The following PCDHGA7 variants were observed in gnomAD, a reference collection of about 807,000 sequenced individuals.
PCDHGA7 encodes the protein protocadherin gamma subfamily A, 7.
A neutral mutation model predicts 58.3 loss-of-function variants in PCDHGA7; 44 were observed. The observed-to-expected ratio is 0.75, with a 90% CI of 0.59 to 0.97. PCDHGA7 has a LOEUF of 0.97. PCDHGA7 is among the 50% of genes least tolerant of loss of function. The pLI is 0.00. For synonymous variants in PCDHGA7, 516 were observed against 504.2 expected, an observed-to-expected ratio of 1.02 and a Z score of -0.31; for missense variants, 1,266 against 1,188.7, an observed-to-expected ratio of 1.06 and a Z score of -0.96.
intron 1 of PCDHGA7, among the ~76,000 whole-genome samples, chr5:141,445,531 C>A (rs1476079791): frequency 6.6e-6 from 1 of 152,136 alleles, no homozygotes; most frequent in Non-Finnish European, 1.5e-5. Flanking sequence ...TGATAAAAGC[C>A]AACAAGGAGA....
intron 1 of PCDHGA7, among the ~76,000 whole-genome samples, chr5:141,446,149 G>T (rs2098490670): frequency 6.6e-6 from 1 of 152,178 alleles, no homozygotes; most frequent in Non-Finnish European, 1.5e-5. Context: ...GGAATAGGTG[G>T]AATATAAATT....
chr5:141,398,505 T>A (rs1561664724), intron 1 of PCDHGA7: 7 of 1,598,768 alleles, frequency 4.4e-6, no homozygotes, highest in Non-Finnish European at 6.0e-6. Context: ...TCGAGGACAT[T>A]AATGACCACA....
chr5:141,456,093 T>G (rs1362649283), intron 1 of PCDHGA7, among the ~76,000 whole-genome samples: 1 of 151,986 alleles, frequency 6.6e-6, no homozygotes, highest in Non-Finnish European at 1.5e-5. Context: ...GAGACGGGAT[T>G]TCACCGTGTT....
Position 141,382,924 on chromosome 5 carries a change from G to A in PCDHGA7, c.25G>A (p.Asp9Asn). 6.4e-7 allele frequency: 1 copy of A among 1,568,666 alleles called. No homozygotes were observed. Among genetic ancestry groups the A allele is most frequent in the Non-Finnish European group, 8.7e-7 (1 of 1,155,832 alleles). The change falls in exon 1 of 4, where the codon GAC becomes AAC. Residue 9 changes from aspartate to asparagine, a missense_variant. Asp to Asn is a conservative substitution (Grantham distance 23, BLOSUM62 1). Coordinates refer to ENST00000518325, the MANE Select transcript of PCDHGA7 (RefSeq NM_018920.4). ...TATGGCGGCTCAGCCGAGGGGCGGG[G>A]ACTACAGAGGATTCTTCCTGCTCTC... MAAQPRGG[D>N]YRGFFLLSIL...
intron 1 of PCDHGA7, among the ~76,000 whole-genome samples, chr5:141,471,014 G>A (rs2099246573): frequency 6.7e-6 from 1 of 148,628 alleles, no homozygotes; most frequent in Non-Finnish European, 1.5e-5. Context: ...ACTGTGCCTG[G>A]TCAATCATTT....
chr5:141,388,842 A>C, intron 1 of PCDHGA7: 1 of 1,614,014 alleles, frequency 6.2e-7, no homozygotes, highest in Non-Finnish European at 8.5e-7. Flanking sequence ...TTTGGAAGCA[A>C]GGGACGGTGG....
At position 141,383,593 on chromosome 5, in the gene PCDHGA7, G is replaced by C. The variant is rs893791654; in HGVS notation, c.694G>C (p.Val232Leu). 9 of 1,613,726 alleles carry C rather than the reference G, an allele frequency of 5.6e-6. No homozygotes were observed. The highest frequency in any genetic ancestry group is 1.7e-5 in the Admixed American group (1 of 59,998). The change falls in exon 1 of 4, where the codon GTG becomes CTG. Residue 232 changes from valine to leucine, a missense_variant. By Grantham distance (32) the Val-to-Leu change is conservative (BLOSUM62 1). Transcript: ENST00000518325. ...RSSTAHIQVT[V>L]VDVNDHTPVF... ...CAGCACCGCCCACATCCAGGTGACA[G>C]TGGTGGATGTGAATGACCACACGCC...
rs758216933 is a variant in PCDHGA7 at position 141,487,377 on chromosome 5, C to A, written c.2425-7430C>A. The A allele has an allele frequency of 2.5e-6, 4 of 1,614,190 alleles. No individual in the cohort carries two copies. In the South Asian group the frequency reaches 3.3e-5, roughly 13 times the overall value. On this transcript the variant is annotated intron_variant, in intron 1 of 3. Transcript: ENST00000518325. This position sits in a 1 kb window ranked among gnomAD's most constrained non-coding sequence, Gnocchi z 5.0. ...CCTGCTGGCACCTGTGCCTGTCTCA[C>A]CAGATCTCGAAGGAGGGAGGGGCTT...
intron 1 of PCDHGA7, chr5:141,417,038 T>TAAA (rs567249795): frequency 5.5e-5 from 8 of 145,968 alleles, no homozygotes; most frequent in East Asian, 2.0e-4. Context: ...GTTTTTTTTT[T>TAAA]AAAAAAAACT....
rs1441582051 is a variant in PCDHGA7, at chr5:141,487,416, G to A, written c.2425-7391G>A. 1 of 1,614,088 alleles carries A rather than the reference G, an allele frequency of 6.2e-7. No individual in the cohort carries two copies. Among genetic ancestry groups the A allele is most frequent in the Admixed American group, 1.7e-5 (1 of 60,024 alleles). On this transcript the variant is annotated intron_variant, in intron 1 of 3. Coordinates refer to ENST00000518325, the MANE Select transcript of PCDHGA7 (RefSeq NM_018920.4). The surrounding 1 kb of genome is among the most constrained non-coding windows in gnomAD (Gnocchi z 5.0). ...AGGGAGGGGCTTCCCCCTTCCAATGGGATCCTCCGAATCCAGCTAGGGTCA... is the reference window on the plus strand; with the variant it reads ...AGGGAGGGGCTTCCCCCTTCCAATGAGATCCTCCGAATCCAGCTAGGGTCA...
At position 141,418,763 on chromosome 5, in the gene PCDHGA7, C is replaced by G. The variant is rs914122527; in HGVS notation, c.2424+33440C>G. The stretch of plus-strand genomic sequence containing the variant: ...TCTGGATTACACTACAGGAAACATT[C>G]TAACTCAGCAGCCTTTGGATTTTGA... On this transcript the variant is annotated intron_variant, in intron 1 of 3. Coordinates refer to ENST00000518325, the MANE Select transcript of PCDHGA7 (RefSeq NM_018920.4). 5 of 1,613,728 alleles carry G rather than the reference C, an allele frequency of 3.1e-6. No homozygotes were observed. The Admixed American group carries it at 5.0e-5, about 16-fold the overall frequency.
Position 141,485,731 on chromosome 5 carries a change from C to T in PCDHGA7, c.2425-9076C>T, listed in dbSNP as rs1440070106. The T allele has an allele frequency of 1.9e-6, 3 of 1,614,036 alleles. No individual in the cohort carries two copies. The highest frequency in any genetic ancestry group is 2.2e-5 in the South Asian group (2 of 91,080). On this transcript the variant is annotated intron_variant, in intron 1 of 3. Transcript: ENST00000518325. This position sits in a 1 kb window ranked among gnomAD's most constrained non-coding sequence, Gnocchi z 5.7. ...TTGCACTGGATGTGAAGAAGCGCAG[C>T]GACGGCAGCCTGGTCCCAGAGCTGC...
intron 1 of PCDHGA7, among the ~76,000 whole-genome samples, chr5:141,465,343 TG>T (rs1048302340): frequency 1.5e-4 from 23 of 152,118 alleles, no homozygotes; most frequent in African/African-American, 5.3e-4. Flanking sequence ...TATTGGTTAC[TG>T]AAGAAAAAAT....
chr5:141,470,444 A>G (rs970120314), intron 1 of PCDHGA7, among the ~76,000 whole-genome samples: 8 of 152,222 alleles, frequency 5.3e-5, no homozygotes, highest in African/African-American at 1.9e-4. Context: ...ATAATTTAAT[A>G]GCATCTTGAA....
intron 1 of PCDHGA7, chr5:141,389,804 T>G (rs751634687): frequency 2.3e-5 from 37 of 1,613,616 alleles, no homozygotes; most frequent in Non-Finnish European, 3.1e-5. Flanking sequence ...GCCAGCGCCT[T>G]CTGGTCGCCG....
At chr5:141,498,793 T>C (rs2154592354) in intron 2 of PCDHGA7, among the ~76,000 whole-genome samples, 1 of 152,028 alleles carries the variant, frequency 6.6e-6, no homozygotes, top group Non-Finnish European at 1.5e-5. Context: ...ATTAGCCAGG[T>C]GTGGTGGTGC....
At chr5:141,411,631 C>G (rs570915798) in intron 1 of PCDHGA7, 1 of 151,812 alleles carries the variant, frequency 6.6e-6, no homozygotes, top group South Asian at 2.1e-4. Context: ...TGCTGTAATC[C>G]CAGCACTTTG....
chr5:141,390,665 T>C, intron 1 of PCDHGA7: 1 of 192,900 alleles, frequency 5.2e-6, no homozygotes, highest in Non-Finnish European at 1.1e-5. Context: ...ACCATAAATA[T>C]AAAAATAATA....
At chr5:141,387,566 T>C in intron 1 of PCDHGA7, 1 of 445,866 alleles carries the variant, frequency 2.2e-6, no homozygotes, top group Non-Finnish European at 4.0e-6. Context: ...GGCACACAAT[T>C]ATAATTATTG....
Sources: gnomAD v4.1 joint callset for allele counts (sites outside exome capture counted in the v4.1 genomes callset) on GRCh38, gnomAD v4.1.1 for gene constraint, Gnocchi (gnomAD v3.1) non-coding constraint, MANE v1.5 for transcripts, NCBI Gene and HGNC (gene_info 2026-07-23, HGNC 2026-07-21) for gene names.